Variants in TMPRSS15 observed in about 807,000 individuals in gnomAD.
The protein encoded by TMPRSS15 is transmembrane serine protease 15.
In TMPRSS15, 128 loss-of-function variants were observed where a neutral mutation model predicts 125.3. The ratio of observed to expected loss-of-function variants is 1.02; its 90% CI spans 0.89 to 1.18. TMPRSS15 has a LOEUF of 1.18. Among genes scored for constraint, TMPRSS15 ranks in the 50% most tolerant of loss-of-function variants. The probability of loss-of-function intolerance (pLI) is 0.00; values close to 1 mark genes in which losing one functional copy is unlikely to be tolerated. For synonymous variants in TMPRSS15, 446 were observed against 423.2 expected (o/e 1.05, Z -0.66); for missense variants, 1,283 against 1,212.7 (o/e 1.06, Z -0.86).
At chr21:18,398,451 C>G in intron 1 of TMPRSS15, 122 bp from the exon 2 acceptor site, 1 of 1,030,682 alleles carries the variant, frequency 9.7e-7, no homozygotes, top group Non-Finnish European at 1.4e-6. Flanking sequence ...GTAGTTCTTG[C>G]TTTTTCTTTG....
chr21:18,372,205 T>G lies in TMPRSS15; in HGVS notation c.652A>C (p.Asn218His). 1 of 1,609,308 alleles carries G rather than the reference T, an allele frequency of 6.2e-7. No homozygotes were observed. Among genetic ancestry groups the G allele is most frequent in the Admixed American group, 1.7e-5 (1 of 59,802 alleles). Reference sequence around the variant, plus strand: ...GGGGAGAACTTACCACACATTTTATTGTCTTCGTCAGAACCATCTGGACAG... The same window carrying G: ...GGGGAGAACTTACCACACATTTTATGGTCTTCGTCAGAACCATCTGGACAG... ...VNCPDGSDED[N>H]KMCATVCDGR... is the part of the protein sequence containing the mutation. Residue 218 changes from asparagine to histidine, a missense_variant, in exon 6 of 25, where the codon AAT (asparagine) becomes CAT (histidine). By Grantham distance (68) the Asn-to-His change is moderately conservative (BLOSUM62 1). Coordinates refer to ENST00000284885, the MANE Select transcript of TMPRSS15 (RefSeq NM_002772.3).
In TMPRSS15 at chr21:18,481,258, T is replaced by C. The variant is rs1978975476; in HGVS notation, c.10+4541A>G. On this transcript the variant is annotated intron_variant, in intron 1 of 7. Coordinates refer to the TMPRSS15 transcript ENST00000422787. ...TATTTTCTTAACTCTTCTGAGCTTC[T>C]ATTGACTTACTTGCAAATTACTGGC... 3.9e-5 allele frequency among the ~76,000 whole-genome samples: 6 copies of C among 151,976 alleles called. No homozygotes were observed. In the South Asian group the frequency reaches 1.2e-3, roughly 31 times the overall value.
intron 1 of TMPRSS15, among the ~76,000 whole-genome samples, chr21:18,398,986 G>A (rs558433864): frequency 6.6e-5 from 10 of 152,078 alleles, no homozygotes; most frequent in Non-Finnish European, 1.0e-4. Context: ...GAAGGTTAAC[G>A]AATTAAATAT....
At chr21:18,462,587 G>C (rs932017640) in intron 1 of TMPRSS15, among the ~76,000 whole-genome samples, 1 of 151,946 alleles carries the variant, frequency 6.6e-6, no homozygotes, top group Non-Finnish European at 1.5e-5. Flanking sequence ...AAACATTTAA[G>C]CAGACTTTAT....
intron 8 of TMPRSS15, among the ~76,000 whole-genome samples, chr21:18,357,466 A>T (rs1402166353): frequency 6.6e-6 from 1 of 151,830 alleles, no homozygotes; most frequent in African/African-American, 2.4e-5. Context: ...CAACTATTTT[A>T]TGATGATAAT....
intron 1 of TMPRSS15, among the ~76,000 whole-genome samples, chr21:18,484,062 T>C (rs1979033667): frequency 6.6e-6 from 1 of 151,958 alleles, no homozygotes; most frequent in Non-Finnish European, 1.5e-5. Context: ...ATCCATGTTG[T>C]TGCATAGTTG....
intron 23 of TMPRSS15, among the ~76,000 whole-genome samples, chr21:18,278,378 T>C (rs1406480131): frequency 6.6e-6 from 1 of 152,078 alleles, no homozygotes; most frequent in Non-Finnish European, 1.5e-5. Flanking sequence ...CAAAAGAATA[T>C]AGTTTTATAA....
intron 21 of TMPRSS15, among the ~76,000 whole-genome samples, chr21:18,281,480 A>G (rs1056396411): frequency 2.6e-5 from 4 of 152,184 alleles, no homozygotes; most frequent in African/African-American, 7.2e-5. Flanking sequence ...GTGGTTCTCA[A>G]CTGTGGTTGT....
At chr21:18,453,656 A>T (rs1978383514) in intron 1 of TMPRSS15, among the ~76,000 whole-genome samples, 1 of 152,190 alleles carries the variant, frequency 6.6e-6, no homozygotes, top group South Asian at 2.1e-4. Context: ...TTAGGTAAAT[A>T]CCCAAAAGAA....
rs1047248312 is a variant in TMPRSS15, at chr21:18,394,541, CTCTCTCTCTCTG to C, written c.344+3326_344+3337del. The stretch of plus-strand genomic sequence containing the variant: ...TCTCTCTCTCTCTCTCTGTCTCTCT[CTCTCTCTCTCTG>C]TCTCTCTCTCTTTCTCTCACATACA... On this transcript the variant is annotated intron_variant, in intron 3 of 24. Transcript: ENST00000284885. Among the ~76,000 whole-genome samples, 6 of 151,894 alleles carry C rather than the reference CTCTCTCTCTCTG, an allele frequency of 4.0e-5. No homozygotes were observed. In the South Asian group the frequency reaches 6.2e-4, roughly 16 times the overall value.
chr21:18,344,709 T>G (rs191864342), intron 10 of TMPRSS15, among the ~76,000 whole-genome samples: 1 of 152,358 alleles, frequency 6.6e-6, no homozygotes, highest in Admixed American at 6.5e-5. Flanking sequence ...TTCCAACCAA[T>G]GATTTCAGTC....
chr21:18,295,252 C>A (rs1188779221), intron 19 of TMPRSS15, among the ~76,000 whole-genome samples: 1 of 152,182 alleles, frequency 6.6e-6, no homozygotes, highest in Non-Finnish European at 1.5e-5. Context: ...AAACTCATCA[C>A]CTGCTTAGAA....
intron 6 of TMPRSS15, 65 bp downstream of exon 6, chr21:18,372,128 G>GTGTGTGTGTGTC: frequency 7.3e-7 from 1 of 1,367,486 alleles, no homozygotes; most frequent in Non-Finnish European, 1.0e-6. Flanking sequence ...GTGTGTGTGT[G>GTGTGTGTGTGTC]TGTGTGTGTG....
rs2074658015 is a variant in TMPRSS15, at chr21:18,279,054, T to G, written c.2674A>C (p.Ile892Leu). The change falls in exon 23 of 25, where the codon ATA (isoleucine) becomes CTA (leucine). Residue 892 changes from isoleucine to leucine, a missense_variant. Physicochemically the swap from Ile to Leu is conservative, Grantham distance 5. Transcript: ENST00000284885. The stretch of plus-strand genomic sequence containing the variant: ...TCTTCCGGTAAACAAATAGGTTGTA[T>G]GTAATCTGGAAAAACAAGCAAACAG... ...LEFKVNYTDY[I>L]QPICLPEENQ... is the part of the protein sequence containing the mutation. 1 of 1,559,670 alleles carries G rather than the reference T, an allele frequency of 6.4e-7. No homozygotes were observed. The highest frequency in any genetic ancestry group is 1.4e-5 in the African/African-American group (1 of 73,486).
At chr21:18,438,187 G>A (rs1175958261) in intron 1 of TMPRSS15, among the ~76,000 whole-genome samples, 1 of 150,694 alleles carries the variant, frequency 6.6e-6, no homozygotes, top group African/African-American at 2.4e-5. Context: ...GGACATGGAT[G>A]AAATTGGAAA....
In TMPRSS15 at chr21:18,394,515, T is replaced by TTC. The variant is rs373272853; in HGVS notation, c.344+3362_344+3363dup. On this transcript the variant is annotated intron_variant, in intron 3 of 24. Coordinates refer to ENST00000284885, the MANE Select transcript of TMPRSS15 (RefSeq NM_002772.3). Reference sequence around the variant, plus strand: ...GATGTTTAAATCTTCATGTATGGCATTCTCTCTCTCTCTCTCTGTCTCTCT... The same window carrying TTC: ...GATGTTTAAATCTTCATGTATGGCATTCTCTCTCTCTCTCTCTCTGTCTCTCT... 2.5e-3 allele frequency among the ~76,000 whole-genome samples: 377 copies of TTC among 148,720 alleles called. 2 individuals are homozygous for TTC. The highest frequency in any genetic ancestry group is 0.01 in the Middle Eastern group (3 of 288).
At position 18,269,985 on chromosome 21, in the gene TMPRSS15, T is replaced by A; in HGVS notation, c.3044A>T (p.Gln1015Leu). The change falls in exon 25 of 25, where the codon CAA becomes CTA. Residue 1015 changes from glutamine (Q) to leucine (L), a missense_variant. By Grantham distance (113) the Gln-to-Leu change is moderately radical. Coordinates refer to ENST00000284885, the MANE Select transcript of TMPRSS15 (RefSeq NM_002772.3). Reference protein sequence around the residue: ...ARVSRFTEWIQSFLH With the variant: ...ARVSRFTEWILSFLH ...AGAAATGCGCTAATGTAGAAAACTT[T>A]GTATCCATTCGGTAAACCTTGAGAC... 1.9e-6 allele frequency: 3 copies of A among 1,613,908 alleles called. No individual in the cohort carries two copies. Among genetic ancestry groups the A allele is most frequent in the Non-Finnish European group, 2.5e-6 (3 of 1,179,850 alleles).
At position 18,320,634 on chromosome 21, in the gene TMPRSS15, T is replaced by C. The variant is rs541602182; in HGVS notation, c.1922-5378A>G. 3.3e-5 allele frequency among the ~76,000 whole-genome samples: 5 copies of C among 152,344 alleles called. 1 individual carries two copies. The South Asian group carries it at 1.0e-3, about 32-fold the overall frequency. On this transcript the variant is annotated intron_variant, in intron 16 of 24. Coordinates refer to ENST00000284885, the MANE Select transcript of TMPRSS15 (RefSeq NM_002772.3). Reference sequence around the variant, plus strand: ...TCTATGAATCCAGAAAAATAATAACTTGTTTCTATAAGCTGAATGAACTGG... The same window carrying C: ...TCTATGAATCCAGAAAAATAATAACCTGTTTCTATAAGCTGAATGAACTGG...
intron 6 of TMPRSS15, among the ~76,000 whole-genome samples, chr21:18,367,066 G>C (rs2075745213): frequency 1.3e-5 from 2 of 151,486 alleles, no homozygotes; most frequent in African/African-American, 4.9e-5. Flanking sequence ...ATTTACTTTG[G>C]TAACTTAAGT....
Sources: gnomAD v4.1 joint callset for allele counts (sites outside exome capture counted in the v4.1 genomes callset) on GRCh38, gnomAD v4.1.1 for gene constraint, MANE v1.5 for transcripts, NCBI Gene and HGNC (gene_info 2026-07-23, HGNC 2026-07-21) for gene names.